The following RTN1 variants were observed in gnomAD, a reference collection of about 807,000 sequenced individuals.
The protein encoded by RTN1 is reticulon 1.
In RTN1, 25 loss-of-function variants were observed where a neutral mutation model predicts 65.5. The ratio of observed to expected loss-of-function variants is 0.38; its 90% confidence interval spans 0.28 to 0.53. The LOEUF is 0.53. RTN1 is among the 20% of genes least tolerant of loss of function. The pLI is 0.79. For synonymous variants in RTN1, 471 were observed against 447.6 expected (o/e 1.05, Z -0.66); for missense variants, 983 against 1,025.4 (o/e 0.96, Z 0.57).
At chr14:59,675,944 C>T (rs1163588292) in intron 3 of RTN1, among the ~76,000 whole-genome samples, 1 of 152,148 alleles carries the variant, frequency 6.6e-6, no homozygotes, top group Admixed American at 6.5e-5. Flanking sequence ...ACTTTCAATC[C>T]TCCAAGACAA....
At chr14:59,695,123 ACT>A (rs1344491496) in intron 3 of RTN1, among the ~76,000 whole-genome samples, 1 of 152,170 alleles carries the variant, frequency 6.6e-6, no homozygotes, top group Non-Finnish European at 1.5e-5. Flanking sequence ...AGGCAAGGGC[ACT>A]TGGTGCCACG....
chr14:59,869,579 TGGG>T (rs753626233), intron 1 of RTN1, among the ~76,000 whole-genome samples: 1,167 of 56,366 alleles, frequency 0.021, 25 homozygotes, highest in Non-Finnish European at 0.025. Context: ...ATTTCCGGGG[TGGG>T]GGGGGGGGGG....
At chr14:59,707,618 C>T (rs979124129) in intron 3 of RTN1, among the ~76,000 whole-genome samples, 3 of 151,700 alleles carry the variant, frequency 2.0e-5, no homozygotes, top group African/African-American at 7.3e-5. Flanking sequence ...CAAGAGTCAG[C>T]ATCATTTGAA....
intron 3 of RTN1, among the ~76,000 whole-genome samples, chr14:59,693,459 C>T (rs1884001727): frequency 6.6e-6 from 1 of 152,052 alleles, no homozygotes; most frequent in Non-Finnish European, 1.5e-5. Flanking sequence ...ATCACCCAAG[C>T]AGTACACACT....
chr14:59,859,510 A>G (rs1469015912), intron 1 of RTN1, among the ~76,000 whole-genome samples: 1 of 152,234 alleles, frequency 6.6e-6, no homozygotes, highest in Admixed American at 6.5e-5. Context: ...AAGCTGACTA[A>G]TATAGTAAAT....
At chr14:59,651,269 A>C (rs1245983230) in intron 3 of RTN1, among the ~76,000 whole-genome samples, 1 of 152,198 alleles carries the variant, frequency 6.6e-6, no homozygotes, top group South Asian at 2.1e-4. Flanking sequence ...CAAACTTGAC[A>C]AAAACAAGCA....
chr14:59,840,130 T>C (rs550720630), intron 1 of RTN1, among the ~76,000 whole-genome samples: 119 of 152,308 alleles, frequency 7.8e-4, no homozygotes, highest in Non-Finnish European at 1.3e-3. Context: ...CATTCTAGGA[T>C]GGGCCTATCC....
chr14:59,820,501 C>T (rs1195404952), intron 1 of RTN1, among the ~76,000 whole-genome samples: 1 of 150,412 alleles, frequency 6.6e-6, no homozygotes, highest in Admixed American at 6.7e-5. Context: ...AGGGTATTTT[C>T]TTGGTTTTCT....
At chr14:59,612,176 G>A (rs1343650276) in intron 3 of RTN1, among the ~76,000 whole-genome samples, 1 of 152,146 alleles carries the variant, frequency 6.6e-6, no homozygotes, top group Non-Finnish European at 1.5e-5. Flanking sequence ...ATGTTAATTC[G>A]GTTCCCCTTG....
At chr14:59,707,307 A>G (rs1050873316) in intron 3 of RTN1, among the ~76,000 whole-genome samples, 1 of 152,228 alleles carries the variant, frequency 6.6e-6, no homozygotes, top group Non-Finnish European at 1.5e-5. Context: ...CAACCTTAAC[A>G]TGTCCATTCC....
intron 3 of RTN1, among the ~76,000 whole-genome samples, chr14:59,613,581 A>G (rs766801838): frequency 1.3e-5 from 2 of 152,176 alleles, no homozygotes; most frequent in Non-Finnish European, 2.9e-5. Flanking sequence ...TATAGGTGTG[A>G]GCCACCGCGC....
At chr14:59,764,096 G>A (rs891082595) in intron 1 of RTN1, among the ~76,000 whole-genome samples, 2 of 152,014 alleles carry the variant, frequency 1.3e-5, no homozygotes, top group Non-Finnish European at 1.5e-5. Flanking sequence ...GAGTGGGAAG[G>A]AATCCGTACA....
chr14:59,783,941 GT>G (rs1476851677), intron 1 of RTN1, among the ~76,000 whole-genome samples: 1 of 150,874 alleles, frequency 6.6e-6, no homozygotes, highest in East Asian at 1.9e-4. Context: ...GTAACTGGTG[GT>G]TTAAATGCAC....
intron 1 of RTN1, among the ~76,000 whole-genome samples, chr14:59,833,776 T>C (rs1887167528): frequency 6.6e-6 from 1 of 152,206 alleles, no homozygotes; most frequent in Admixed American, 6.5e-5. Context: ...GTAAATGATA[T>C]GGCAATTTCC....
At chr14:59,690,160 C>T (rs1431074702) in intron 3 of RTN1, among the ~76,000 whole-genome samples, 1 of 151,980 alleles carries the variant, frequency 6.6e-6, no homozygotes, top group Non-Finnish European at 1.5e-5. Context: ...ACTTAAAAGG[C>T]ACAGAGTGGC....
At chr14:59,678,050 A>G (rs1389932334) in intron 3 of RTN1, among the ~76,000 whole-genome samples, 1 of 152,218 alleles carries the variant, frequency 6.6e-6, no homozygotes, top group Non-Finnish European at 1.5e-5. Flanking sequence ...GCTATTTACA[A>G]CAATGACTAC....
chr14:59,643,189 G>T (rs1008041023), intron 3 of RTN1, among the ~76,000 whole-genome samples: 24 of 152,136 alleles, frequency 1.6e-4, no homozygotes, highest in African/African-American at 5.8e-4. Context: ...TGGGAAGACT[G>T]CTTGAGACAA....
At chr14:59,605,176 C>T in intron 5 of RTN1, 192 bp downstream of exon 5, 1 of 545,182 alleles carries the variant, frequency 1.8e-6, no homozygotes, top group Non-Finnish European at 3.0e-6. Context: ...ACAAATGTCT[C>T]AGCCACATTT....
Position 59,727,673 on chromosome 14 carries a change from C to A in RTN1, c.1016-5G>T. On this transcript the variant is annotated splice_polypyrimidine_tract_variant and splice_region_variant and intron_variant, in intron 2 of 8. Coordinates refer to ENST00000267484, the MANE Select transcript of RTN1 (RefSeq NM_021136.3). The surrounding 1 kb of genome is among the most constrained non-coding windows in gnomAD (Gnocchi z 4.2). Reference sequence around the variant, plus strand: ...GGGATTCTGCAGCAGATGGTTCTGTCGTCCCACAGAGCGAAGGAGAGCCAC... The same window carrying A: ...GGGATTCTGCAGCAGATGGTTCTGTAGTCCCACAGAGCGAAGGAGAGCCAC... The A allele has an allele frequency of 2.5e-6, 4 of 1,591,688 alleles. No individual in the cohort carries two copies. Among genetic ancestry groups the A allele is most frequent in the Non-Finnish European group, 3.4e-6 (4 of 1,168,580 alleles).
Sources: gnomAD v4.1 joint callset for allele counts (sites outside exome capture counted in the v4.1 genomes callset) on GRCh38, gnomAD v4.1.1 for gene constraint, Gnocchi (gnomAD v3.1) non-coding constraint, MANE v1.5 for transcripts, NCBI Gene and HGNC (gene_info 2026-07-23, HGNC 2026-07-21) for gene names.